The following DCDC2 variants were observed in gnomAD, a reference collection of about 807,000 sequenced individuals.
DCDC2 encodes the protein doublecortin domain containing 2.
Under a neutral mutation model 50.2 loss-of-function variants are expected in DCDC2, and 40 were observed. The ratio of observed to expected loss-of-function variants is 0.80; its 90% confidence interval spans 0.62 to 1.04. The LOEUF is 1.04. Among genes scored for constraint, DCDC2 ranks in the 50% least tolerant of loss-of-function variants. The probability of loss-of-function intolerance (pLI) is 0.00; values close to 1 mark genes in which losing one functional copy is unlikely to be tolerated. For missense variants in DCDC2, 570 were observed against 581.9 expected (o/e 0.98, Z 0.21); for synonymous variants, 234 against 210.6 (o/e 1.11, Z -0.96).
At chr6:24,345,198 C>A (rs964846693) in intron 2 of DCDC2, among the ~76,000 whole-genome samples, 1 of 152,070 alleles carries the variant, frequency 6.6e-6, no homozygotes, top group Non-Finnish European at 1.5e-5. Flanking sequence ...TGCCTTCCTG[C>A]AATAAGGTTA....
intron 7 of DCDC2, among the ~76,000 whole-genome samples, chr6:24,253,508 A>G (rs1187462140): frequency 6.6e-6 from 1 of 152,176 alleles, no homozygotes; most frequent in Non-Finnish European, 1.5e-5. Context: ...TGTTGTGTCA[A>G]TATCACTGAG....
intron 7 of DCDC2, among the ~76,000 whole-genome samples, chr6:24,244,046 C>T (rs936331869): frequency 6.6e-6 from 1 of 152,212 alleles, no homozygotes; most frequent in Non-Finnish European, 1.5e-5. Context: ...AAAGACTACT[C>T]ACCTCCTAAC....
intron 7 of DCDC2, among the ~76,000 whole-genome samples, chr6:24,207,289 A>C (rs199721761): frequency 8.9e-6 from 1 of 112,054 alleles, no homozygotes; most frequent in South Asian, 2.7e-4. Flanking sequence ...TCTCTCTCTC[A>C]GACACACACA....
At chr6:24,337,797 CAAA>C (rs34344592) in intron 2 of DCDC2, among the ~76,000 whole-genome samples, 2 of 126,630 alleles carry the variant, frequency 1.6e-5, no homozygotes, top group African/African-American at 3.0e-5. Context: ...GACTCCGTCT[CAAA>C]AAAAAAAAAA....
intron 7 of DCDC2, among the ~76,000 whole-genome samples, chr6:24,239,655 T>C (rs1422334879): frequency 6.6e-6 from 1 of 152,198 alleles, no homozygotes; most frequent in Non-Finnish European, 1.5e-5. Flanking sequence ...GAAAGTTCTC[T>C]TTACTCTCAT....
At chr6:24,294,520 A>T (rs1763818724) in intron 4 of DCDC2, among the ~76,000 whole-genome samples, 1 of 152,112 alleles carries the variant, frequency 6.6e-6, no homozygotes. Flanking sequence ...CAAAAGATCA[A>T]TGGATCCAGG....
chr6:24,291,776 C>T (rs1009830464), intron 4 of DCDC2, among the ~76,000 whole-genome samples: 5 of 152,262 alleles, frequency 3.3e-5, no homozygotes, highest in Non-Finnish European at 5.9e-5. Context: ...TGAGCCACCG[C>T]GCCCGGCCTT....
At chr6:24,368,299 G>A in the DCDC2 span, among the ~76,000 whole-genome samples, 5 of 151,946 alleles carry the variant, frequency 3.3e-5, no homozygotes, top group Admixed American at 2.6e-4. Context: ...ATTAACTAAA[G>A]TTTTCTGTAA....
intron 7 of DCDC2, among the ~76,000 whole-genome samples, chr6:24,267,750 C>A (rs1194949640): frequency 6.6e-6 from 1 of 152,186 alleles, no homozygotes; most frequent in African/African-American, 2.4e-5. Flanking sequence ...CCTTTGCAGG[C>A]TGGAACCAAA....
chr6:24,180,965 A>G (rs2113741571), intron 8 of DCDC2, among the ~76,000 whole-genome samples: 2 of 152,322 alleles, frequency 1.3e-5, no homozygotes, highest in Non-Finnish European at 2.9e-5. Context: ...ATTTAATTAC[A>G]TGATACCAAA....
rs562252167 is a variant in DCDC2, at chr6:24,266,224, C to T, written c.922+11825G>A. Among the ~76,000 whole-genome samples the T allele has an allele frequency of 1.5e-3, 232 of 152,134 alleles. 1 individual carries two copies. The highest frequency in any genetic ancestry group is 0.014 in the Middle Eastern group (4 of 294). On this transcript the variant is annotated intron_variant, in intron 7 of 9. Transcript: ENST00000378454. The stretch of plus-strand genomic sequence containing the variant: ...TGGATTAAAGATTTAAATTTAAAAC[C>T]TCAAACTATGAAGCCACTACAAGAA...
At chr6:24,333,682 C>T (rs1280970689) in intron 2 of DCDC2, among the ~76,000 whole-genome samples, 4 of 152,114 alleles carry the variant, frequency 2.6e-5, no homozygotes, top group African/African-American at 9.7e-5. Flanking sequence ...AACAGGAAGT[C>T]ACTGATGAGT....
chr6:24,309,193 C>T (rs111229389), intron 2 of DCDC2, among the ~76,000 whole-genome samples: 1,547 of 151,882 alleles, frequency 0.01, 14 homozygotes, highest in Non-Finnish European at 0.015. Context: ...GGCTTGGTGG[C>T]GGGCACTTGT....
In DCDC2 at chr6:24,239,298, G is replaced by A. The variant is rs117757835; in HGVS notation, c.923-34196C>T. On this transcript the variant is annotated intron_variant, in intron 7 of 9. Transcript: ENST00000378454. ...CCAAAAGGAAGAAGGACAGGATACC[G>A]TCCTTCTCCTGCTGGACCCAAGGTC... 8.5e-4 allele frequency among the ~76,000 whole-genome samples: 129 copies of A among 152,180 alleles called. No individual in the cohort carries two copies. In the East Asian group the frequency reaches 0.017, roughly 21 times the overall value.
At chr6:24,329,561 C>T (rs998849923) in intron 2 of DCDC2, among the ~76,000 whole-genome samples, 2 of 152,130 alleles carry the variant, frequency 1.3e-5, no homozygotes, top group Non-Finnish European at 2.9e-5. Context: ...GCAACTTGGG[C>T]AACAACTTAA....
chr6:24,311,590 A>C (rs938518763), intron 2 of DCDC2, among the ~76,000 whole-genome samples: 5 of 152,240 alleles, frequency 3.3e-5, no homozygotes, highest in Non-Finnish European at 7.3e-5. Context: ...TGTAAAACAC[A>C]TCAGAATTTA....
chr6:24,245,984 T>C (rs1462286738), intron 7 of DCDC2, among the ~76,000 whole-genome samples: 1 of 152,134 alleles, frequency 6.6e-6, no homozygotes, highest in Non-Finnish European at 1.5e-5. Flanking sequence ...AGAGGATAGA[T>C]TTTTTATTTA....
intron 7 of DCDC2, among the ~76,000 whole-genome samples, chr6:24,273,719 G>C (rs1325867599): frequency 6.6e-6 from 1 of 152,214 alleles, no homozygotes; most frequent in Non-Finnish European, 1.5e-5. Context: ...AACCAAAGAA[G>C]CTCAAGTTTC....
chr6:24,355,415 TAATAAAA>T (rs955893987), intron 1 of DCDC2, among the ~76,000 whole-genome samples: 1 of 152,152 alleles, frequency 6.6e-6, no homozygotes, highest in African/African-American at 2.4e-5. Flanking sequence ...CGGAAATATT[TAATAAAA>T]AATAAAGTAT....
Sources: allele counts gnomAD v4.1 joint callset (sites outside exome capture counted in the v4.1 genomes callset), GRCh38; gene constraint gnomAD v4.1.1; transcripts MANE v1.5; gene names NCBI Gene and HGNC (gene_info 2026-07-23, HGNC 2026-07-21).